CNDP1: variants seen among roughly 807,000 people sequenced by gnomAD.
The protein encoded by CNDP1 is carnosine dipeptidase 1, also known as beta-Ala-His dipeptidase.
Under a neutral mutation model 58.1 loss-of-function variants are expected in CNDP1, and 44 were observed. That is an observed-to-expected ratio of 0.76 (90% CI 0.60 to 0.97). The LOEUF (loss-of-function observed/expected upper bound fraction) is 0.97, where lower values mean the gene tolerates loss of function less well. Ranked by LOEUF, CNDP1 falls within the 50% of genes least tolerant of loss-of-function variation. The pLI is 0.00. For synonymous variants in CNDP1, 254 were observed against 252.6 expected, an observed-to-expected ratio of 1.01 and a Z score of -0.05; for missense variants, 616 against 655.1, an observed-to-expected ratio of 0.94 and a Z score of 0.65.
At chr18:74,580,049 G>C (rs1333757729) in intron 9 of CNDP1, 81 bp from the exon 10 acceptor site, 7 of 1,287,000 alleles carry the variant, frequency 5.4e-6, no homozygotes, top group Non-Finnish European at 7.7e-6. Flanking sequence ...GTACTAATCA[G>C]TTTCTTGATG....
intron 4 of CNDP1, 122 bp downstream of exon 4, chr18:74,561,140 T>A (rs1981186363): frequency 1.6e-6 from 2 of 1,234,436 alleles, no homozygotes; most frequent in Non-Finnish European, 2.2e-6. Flanking sequence ...ATAGGCCGGG[T>A]GCGGTGGCTC....
chr18:74,546,156 A>G lies in CNDP1; in HGVS notation c.25-10182A>G, dbSNP rs369906979. On this transcript the variant is annotated intron_variant, in intron 1 of 11. Transcript: ENST00000358821. ...TTGACTGGCTCTGTCATTGTGCTAC[A>G]AGCCACTGTTACGTTTCTAGATGAT... is the stretch of plus-strand genomic sequence containing the variant. Among the ~76,000 whole-genome samples, 128 of 152,350 alleles carry G rather than the reference A, an allele frequency of 8.4e-4. No homozygotes were observed. In the South Asian group the frequency reaches 0.017, roughly 20 times the overall value.
chr18:74,537,741 G>T (rs1243069711), intron 1 of CNDP1, among the ~76,000 whole-genome samples: 1 of 152,178 alleles, frequency 6.6e-6, no homozygotes, highest in Middle Eastern at 3.2e-3. Flanking sequence ...GTCACTCCGG[G>T]CAAAGAGTGG....
chr18:74,555,710 A>C (rs1056237364), intron 1 of CNDP1, among the ~76,000 whole-genome samples: 2 of 152,130 alleles, frequency 1.3e-5, no homozygotes, highest in Non-Finnish European at 2.9e-5. Flanking sequence ...TGGGTCTCTC[A>C]GAGATGGGGT....
chr18:74,581,695 G>A (rs551572122), intron 10 of CNDP1, among the ~76,000 whole-genome samples: 66 of 152,294 alleles, frequency 4.3e-4, no homozygotes, highest in African/African-American at 1.3e-3. Context: ...AGCAGAGGGC[G>A]TGTACTTGGG....
chr18:74,543,504 CAAAACAAAAT>C (rs1268238852), intron 1 of CNDP1, among the ~76,000 whole-genome samples: 3 of 130,594 alleles, frequency 2.3e-5, no homozygotes, highest in African/African-American at 5.9e-5. Flanking sequence ...AAAAATAAAA[CAAAACAAAAT>C]AAAATAAAAT....
At chr18:74,551,954 A>G (rs1199431860) in intron 1 of CNDP1, among the ~76,000 whole-genome samples, 2 of 150,710 alleles carry the variant, frequency 1.3e-5, no homozygotes, top group African/African-American at 4.9e-5. Flanking sequence ...GTTGTCTCCA[A>G]GAGCCTTTAT....
intron 7 of CNDP1, among the ~76,000 whole-genome samples, chr18:74,571,952 T>C (rs1981490130): frequency 6.6e-6 from 1 of 152,128 alleles, no homozygotes; most frequent in Non-Finnish European, 1.5e-5. Context: ...AATCGTCTGT[T>C]CACCTAGTAT....
At chr18:74,540,403 A>G (rs960231112) in intron 1 of CNDP1, among the ~76,000 whole-genome samples, 1 of 151,494 alleles carries the variant, frequency 6.6e-6, no homozygotes, top group Non-Finnish European at 1.5e-5. Flanking sequence ...CAGGTGATCC[A>G]CCCGCCTCAT....
At chr18:74,548,597 G>A (rs1387234478) in intron 1 of CNDP1, among the ~76,000 whole-genome samples, 1 of 152,192 alleles carries the variant, frequency 6.6e-6, no homozygotes, top group Non-Finnish European at 1.5e-5. Flanking sequence ...TGAGGAGTGG[G>A]GCATCGCTAT....
chr18:74,539,138 G>A (rs1980553412), intron 1 of CNDP1, among the ~76,000 whole-genome samples: 1 of 147,664 alleles, frequency 6.8e-6, no homozygotes, highest in African/African-American at 2.5e-5. Context: ...GACATTCGCT[G>A]CAAACACTGT....
chr18:74,534,774 T>C (rs1441222310), intron 1 of CNDP1, 83 bp downstream of exon 1: 2 of 1,548,050 alleles, frequency 1.3e-6, no homozygotes, highest in East Asian at 2.2e-5. Flanking sequence ...TTAAGCCCAG[T>C]TGGGCAGGGC....
intron 3 of CNDP1, among the ~76,000 whole-genome samples, chr18:74,559,879 A>G (rs766924141): frequency 6.6e-6 from 1 of 152,178 alleles, no homozygotes; most frequent in Non-Finnish European, 1.5e-5. Context: ...ACCATCTCTT[A>G]GAACTCTACT....
Position 74,562,111 on chromosome 18 carries a change from G to A in CNDP1, c.531G>A (p.Val177=). ...CTGTCTTGGCTTGGATCAATGCTGT[G>A]AGCGCCTTCAGAGCCCTGGAGCAAG... The part of the protein sequence containing the change: ...KGPVLAWINA[V]SAFRALEQDL... The change falls in exon 5 of 12, where the codon GTG becomes GTA. Residue 177 remains valine, a synonymous_variant. Transcript: ENST00000358821. 1.9e-6 allele frequency: 3 copies of A among 1,614,100 alleles called. No individual in the cohort carries two copies. The highest frequency in any genetic ancestry group is 2.5e-6 in the Non-Finnish European group (3 of 1,179,992).
rs1491257371 is a variant in CNDP1, at chr18:74,586,441, A to AGAG, written c.*1880_*1882dup. The AGAG allele has an allele frequency of 6.6e-6, 1 of 152,218 alleles. No individual in the cohort carries two copies. The highest frequency in any genetic ancestry group is 1.5e-5 in the Non-Finnish European group (1 of 68,036). The allele number at this position is 152,218 out of a possible 1,614,324, so 9.4% of individuals were successfully genotyped here. A position where few individuals can be genotyped will look rare whatever the true frequency, so the allele number is the denominator to read the frequency against. ...TAAGGACTAACAGTAAGAGAGATTTAGAGTCTTCATGTTAGTCCATTAACA... is the reference window on the plus strand; with the variant it reads ...TAAGGACTAACAGTAAGAGAGATTTAGAGGAGTCTTCATGTTAGTCCATTAACA... On this transcript the variant is annotated 3_prime_UTR_variant, in exon 12 of 12. Coordinates refer to ENST00000358821, the MANE Select transcript of CNDP1 (RefSeq NM_032649.6).
chr18:74,580,007 T>G (rs1981747573), intron 9 of CNDP1, 123 bp from the exon 10 acceptor site: 6 of 844,804 alleles, frequency 7.1e-6, no homozygotes, highest in Non-Finnish European at 1.1e-5. Context: ...GGCTGGGGCT[T>G]CAGTTTCTTG....
rs772132129 is a variant in CNDP1 at position 74,559,478 on chromosome 18, G to A, written c.303+6G>A. 2 of 1,597,824 alleles carry A rather than the reference G, an allele frequency of 1.3e-6. No individual in the cohort carries two copies. Among genetic ancestry groups the A allele is most frequent in the East Asian group, 2.2e-5 (1 of 44,754 alleles). ...TGGACATGGGTCCTCAGCAGGTGCT[G>A]TACGATTCCCTCCCACTGAGGGAGG... On this transcript the variant is annotated splice_donor_region_variant and intron_variant, in intron 3 of 11. Coordinates refer to ENST00000358821, the MANE Select transcript of CNDP1 (RefSeq NM_032649.6).
intron 1 of CNDP1, among the ~76,000 whole-genome samples, chr18:74,541,729 T>C (rs1224333886): frequency 6.6e-6 from 1 of 152,170 alleles, no homozygotes; most frequent in African/African-American, 2.4e-5. Flanking sequence ...GTAGGGGCTT[T>C]CTGTCCCCAG....
chr18:74,557,024 C>T (rs1981061563), intron 2 of CNDP1, among the ~76,000 whole-genome samples: 2 of 151,468 alleles, frequency 1.3e-5, no homozygotes, highest in African/African-American at 4.9e-5. Context: ...ATTCTCCTGC[C>T]TCAGCCTCAG....
Sources: gnomAD v4.1 joint callset for allele counts (sites outside exome capture counted in the v4.1 genomes callset) on GRCh38, gnomAD v4.1.1 for gene constraint, MANE v1.5 for transcripts, NCBI Gene and HGNC (gene_info 2026-07-23, HGNC 2026-07-21) for gene names.